Variants in TRHDE observed in about 807,000 individuals in gnomAD.
The protein encoded by TRHDE is thyrotropin-releasing hormone-degrading ectoenzyme.
In TRHDE, 72 loss-of-function variants were observed where a neutral mutation model predicts 125.7. The observed-to-expected ratio is 0.57, with a 90% CI of 0.47 to 0.70. The LOEUF is 0.70. Among genes scored for constraint, TRHDE ranks in the 30% least tolerant of loss-of-function variants. The probability of loss-of-function intolerance (pLI) is 0.00; values close to 1 mark genes in which losing one functional copy is unlikely to be tolerated. For missense variants in TRHDE, 1,110 were observed against 1,327.1 expected (o/e 0.84, Z 2.54); for synonymous variants, 509 against 509.1 (o/e 1.00, Z 0.00).
At chr12:72,422,363 T>A (rs1285287414) in intron 3 of TRHDE, among the ~76,000 whole-genome samples, 1 of 152,214 alleles carries the variant, frequency 6.6e-6, no homozygotes, top group African/African-American at 2.4e-5. Flanking sequence ...CCTTCAAGTC[T>A]ATATTCATTA....
chr12:72,328,417 T>C (rs980234275), intron 2 of TRHDE, among the ~76,000 whole-genome samples: 2 of 151,320 alleles, frequency 1.3e-5, no homozygotes, highest in Non-Finnish European at 1.5e-5. Context: ...CACATTTCTA[T>C]TGGTTTTTTT....
intron 2 of TRHDE, among the ~76,000 whole-genome samples, chr12:72,203,038 T>C (rs1246704814): frequency 1.3e-5 from 2 of 152,146 alleles, no homozygotes; most frequent in African/African-American, 2.4e-5. Flanking sequence ...AATCCTACTG[T>C]TTTTAAGTTT....
At position 72,378,134 on chromosome 12, in the gene TRHDE, T is replaced by C. The variant is rs1871979696; in HGVS notation, c.1315+13T>C. The C allele has an allele frequency of 6.4e-7, 1 of 1,571,556 alleles. No individual in the cohort carries two copies. The highest frequency in any genetic ancestry group is 8.6e-7 in the Non-Finnish European group (1 of 1,165,092). ...TTGCCAAAACTAGGTAAGAATTTTC[T>C]TGGTTATTTTATTGGAAGGGCTCCT... On this transcript the variant is annotated intron_variant, in intron 3 of 18. Coordinates refer to ENST00000261180, the MANE Select transcript of TRHDE (RefSeq NM_013381.3).
intron 7 of TRHDE, among the ~76,000 whole-genome samples, chr12:72,543,226 C>A (rs1450030161): frequency 6.6e-6 from 1 of 151,400 alleles, no homozygotes. Context: ...ATAATTCTAT[C>A]TGTACCCCCA....
rs117575791 is a variant in TRHDE at position 72,385,295 on chromosome 12, C to T, written c.1315+7174C>T. ...TGTATGGTTTCTTGGTGGAAACTAA[C>T]CTAAGGATCTCTCTGTGGGTTAGCA... On this transcript the variant is annotated intron_variant, in intron 3 of 18. Coordinates refer to ENST00000261180, the MANE Select transcript of TRHDE (RefSeq NM_013381.3). Among the ~76,000 whole-genome samples the T allele has an allele frequency of 2.9e-3, 447 of 151,954 alleles. 2 individuals carry two copies. Among genetic ancestry groups the T allele is most frequent in the Non-Finnish European group, 5.0e-3 (338 of 67,898 alleles).
chr12:72,452,668 G>T (rs73344450), intron 3 of TRHDE, among the ~76,000 whole-genome samples: 1 of 152,100 alleles, frequency 6.6e-6, no homozygotes, highest in Non-Finnish European at 1.5e-5. Flanking sequence ...GGCCTGATGG[G>T]AGGTGATTAG....
chr12:72,179,994 ACTAT>A (rs1471846820), intron 2 of TRHDE, among the ~76,000 whole-genome samples: 1 of 151,916 alleles, frequency 6.6e-6, no homozygotes, highest in Non-Finnish European at 1.5e-5. Context: ...GCTAATTAAT[ACTAT>A]CTAATAAATA....
intron 2 of TRHDE, among the ~76,000 whole-genome samples, chr12:72,320,483 A>AT (rs1336518470): frequency 1.3e-5 from 2 of 150,982 alleles, no homozygotes; most frequent in Non-Finnish European, 2.9e-5. Flanking sequence ...TTCCCTAAAT[A>AT]TTTTTTATTT....
intron 15 of TRHDE, among the ~76,000 whole-genome samples, chr12:72,648,300 T>C (rs1874366317): frequency 6.6e-6 from 1 of 152,104 alleles, no homozygotes; most frequent in East Asian, 1.9e-4. Flanking sequence ...TTATACTCAA[T>C]GGTGAAAAAT....
intron 2 of TRHDE, among the ~76,000 whole-genome samples, chr12:72,227,413 T>C (rs1051438350): frequency 3.9e-5 from 6 of 152,102 alleles, no homozygotes; most frequent in African/African-American, 1.4e-4. Context: ...ATGAAACTTA[T>C]TCACTATCAC....
At chr12:72,591,258 G>A (rs1871666676) in intron 12 of TRHDE, among the ~76,000 whole-genome samples, 1 of 152,132 alleles carries the variant, frequency 6.6e-6, no homozygotes, top group Admixed American at 6.5e-5. Flanking sequence ...ATTTGGGTGT[G>A]GACACAACCA....
chr12:72,338,074 T>A (rs1869912033), intron 2 of TRHDE, among the ~76,000 whole-genome samples: 3 of 152,194 alleles, frequency 2.0e-5, no homozygotes, highest in Admixed American at 2.0e-4. Flanking sequence ...TTCAGATGAC[T>A]TTTTGTACAA....
intron 2 of TRHDE, among the ~76,000 whole-genome samples, chr12:72,364,913 C>G (rs866240957): frequency 1.3e-5 from 2 of 152,054 alleles, no homozygotes; most frequent in African/African-American, 2.4e-5. Flanking sequence ...AGGACATTCT[C>G]TAAGTTTATT....
Position 72,089,612 on chromosome 12 carries a change from A to G in TRHDE, n.174+2173A>G, listed in dbSNP as rs768729239. Among the ~76,000 whole-genome samples the G allele has an allele frequency of 3.1e-4, 47 of 152,276 alleles. 1 individual carries two copies. The highest frequency in any genetic ancestry group is 2.4e-4 in the Non-Finnish European group (16 of 68,008). ...TCATCTTCAAATATTTGTTCAAATC[A>G]TACCTTCTTAATGAAGCCCATGCTG... On this transcript the variant is annotated intron_variant and non_coding_transcript_variant, in intron 1 of 4. Transcript: ENST00000548156.
rs770206640 is a variant in TRHDE at position 72,286,953 on chromosome 12, T to C, written c.1187T>C (p.Val396Ala). 6.2e-7 allele frequency: 1 copy of C among 1,611,962 alleles called. No homozygotes were observed. Among genetic ancestry groups the C allele is most frequent in the South Asian group, 1.1e-5 (1 of 90,952 alleles). Residue 396 changes from valine (V) to alanine (A), a missense_variant and splice_region_variant, in exon 2 of 19, where the codon GTA becomes GCA. Val to Ala is a moderately conservative substitution (Grantham distance 64). Around this residue, in one of 5 missense-constraint regions of TRHDE, gnomAD observed 252 missense variants for 274.8 expected, o/e 0.92. Coordinates refer to ENST00000261180, the MANE Select transcript of TRHDE (RefSeq NM_013381.3). ...GAAACTACCACCAAGAGTGGGGTTG[T>C]AGTAAGTATTTTCAGCTTAATGATG... Reference protein sequence around the residue: ...YRETTTKSGVVVRLYARPDAI... With the variant: ...YRETTTKSGVAVRLYARPDAI...
chr12:72,359,873 T>C (rs1870990248), intron 2 of TRHDE, among the ~76,000 whole-genome samples: 1 of 151,718 alleles, frequency 6.6e-6, no homozygotes, highest in Admixed American at 6.6e-5. Flanking sequence ...GATTTATTGC[T>C]TAGTTTTATT....
At chr12:72,307,439 G>A (rs1463873836) in intron 2 of TRHDE, among the ~76,000 whole-genome samples, 1 of 151,842 alleles carries the variant, frequency 6.6e-6, no homozygotes, top group African/African-American at 2.4e-5. Context: ...CAAAGTGCTG[G>A]AATTAAAGGC....
At chr12:72,352,171 C>T (rs1253637216) in intron 2 of TRHDE, among the ~76,000 whole-genome samples, 2 of 151,212 alleles carry the variant, frequency 1.3e-5, no homozygotes, top group Non-Finnish European at 2.9e-5. Flanking sequence ...AGTAGATATT[C>T]GTTAAGCTTA....
At chr12:72,341,953 G>A (rs1313553851) in intron 2 of TRHDE, among the ~76,000 whole-genome samples, 1 of 151,902 alleles carries the variant, frequency 6.6e-6, no homozygotes, top group East Asian at 1.9e-4. Context: ...CTACAGAAAT[G>A]ACAAGCCACA....
Sources: allele counts gnomAD v4.1 joint callset (sites outside exome capture counted in the v4.1 genomes callset), GRCh38; gene constraint gnomAD v4.1.1; regional missense constraint gnomAD v4.1.1; transcripts MANE v1.5; gene names NCBI Gene and HGNC (gene_info 2026-07-23, HGNC 2026-07-21).